PRELID3B: variants seen among roughly 807,000 people sequenced by gnomAD.
PRELID3B encodes the protein PRELI domain containing protein 3B.
PRELID3B carries 15 observed loss-of-function variants against 24.0 expected under a neutral mutation model. That is an observed-to-expected ratio of 0.63 (90% confidence interval 0.42 to 0.96). PRELID3B has a LOEUF of 0.96. Ranked by LOEUF, PRELID3B falls within the 40% of genes least tolerant of loss-of-function variation. The pLI, the probability that PRELID3B is intolerant of heterozygous loss-of-function variation, is 0.00. For missense variants in PRELID3B, 189 were observed against 236.0 expected (o/e 0.80, Z 1.30); for synonymous variants, 62 against 76.0 (o/e 0.82, Z 0.96).
intron 1 of PRELID3B, among the ~76,000 whole-genome samples, chr20:59,039,350 GTAA>G (rs2092096142): frequency 1.3e-5 from 2 of 152,142 alleles, no homozygotes; most frequent in African/African-American, 4.8e-5. Context: ...TATTGAAGTG[GTAA>G]TAATATCACA....
At position 59,034,904 on chromosome 20, in the gene PRELID3B, A is replaced by AC; in HGVS notation, c.*102_*103insG. The AC allele has an allele frequency of 4.3e-6, 5 of 1,173,410 alleles. No homozygotes were observed. Among genetic ancestry groups the AC allele is most frequent in the Non-Finnish European group, 5.6e-6 (5 of 895,416 alleles). 72.7% of individuals were successfully genotyped at this position (1,173,410 alleles called of 1,614,324 possible). On this transcript the variant is annotated 3_prime_UTR_variant, in exon 6 of 6. Coordinates refer to ENST00000355937, the MANE Select transcript of PRELID3B (RefSeq NM_016045.3). ...CACCAACTTATCAAAAAAAAAAAAA[A>AC]AAAAACTACCCAAAATATAGTTGTA...
At chr20:59,039,905 C>T (rs772376548) in intron 1 of PRELID3B, among the ~76,000 whole-genome samples, 2 of 152,142 alleles carry the variant, frequency 1.3e-5, no homozygotes, top group African/African-American at 2.4e-5. Flanking sequence ...GCAATCAATG[C>T]AGGTATATAA....
chr20:59,038,667 A>C (rs756457778), intron 1 of PRELID3B, 33 bp from the exon 2 acceptor site: 1 of 1,396,518 alleles, frequency 7.2e-7, no homozygotes, highest in South Asian at 1.4e-5. Context: ...AAAAAAAAAA[A>C]ATTCAGACAT....
chr20:59,037,100 T>G, intron 3 of PRELID3B, 91 bp downstream of exon 3: 1 of 940,302 alleles, frequency 1.1e-6, no homozygotes, highest in South Asian at 1.4e-5. Flanking sequence ...AACCACATCA[T>G]GAACACGCAC....
At position 59,035,048 on chromosome 20, in the gene PRELID3B, T is replaced by C. The variant is rs1196292602; in HGVS notation, c.544A>G (p.Ile182Val). 1.9e-6 allele frequency: 3 copies of C among 1,614,082 alleles called. No homozygotes were observed. Among genetic ancestry groups the C allele is most frequent in the South Asian group, 2.2e-5 (2 of 91,056 alleles). ...GCTGCTGCTGCCATTGGAGTCCTTA[T>C]GGTTCCTCTTGCTGAGGCTGTCAGT... ...EELTASARGT[I>V]RTPMAAAAFA... The change falls in exon 6 of 6, where the codon ATA becomes GTA. Residue 182 changes from isoleucine (I) to valine (V), a missense_variant. Transcript: ENST00000355937.
chr20:59,042,723 A>G lies in PRELID3B; in HGVS notation c.8T>C (p.Ile3Thr). 6.2e-7 allele frequency: 1 copy of G among 1,602,402 alleles called. No individual in the cohort carries two copies. Among genetic ancestry groups the G allele is most frequent in the Non-Finnish European group, 8.5e-7 (1 of 1,175,230 alleles). Reference protein sequence around the residue: MKIWTSEHVFDHP... With the variant: MKTWTSEHVFDHP... ...CTCAAAGACGTGCTCCGAAGTCCAG[A>G]TCTTCATGGTGCCGGCACCCTGAGA... is the stretch of plus-strand genomic sequence containing the variant. The change falls in exon 1 of 6, where the codon ATC (isoleucine) becomes ACC (threonine). Residue 3 changes from isoleucine to threonine, a missense_variant. Coordinates refer to ENST00000355937, the MANE Select transcript of PRELID3B (RefSeq NM_016045.3).
rs548613157 is a variant in PRELID3B at position 59,033,685 on chromosome 20, A to G, written c.*1322T>C. On this transcript the variant is annotated 3_prime_UTR_variant, in exon 6 of 6. Transcript: ENST00000355937. ...ACTGGTCTCTTGGATAGGAAACATG[A>G]CTAGAAGTTTATCACACTAAGCACT... 6.6e-6 allele frequency: 1 copy of G among 152,370 alleles called. No homozygotes were observed. The highest frequency in any genetic ancestry group is 1.9e-4 in the East Asian group (1 of 5,194). 9.4% of individuals were successfully genotyped at this position (152,370 alleles called of 1,614,324 possible). A position where few individuals can be genotyped will look rare whatever the true frequency, so the allele number is the denominator to read the frequency against.
At chr20:59,038,409 G>A (rs1411040376) in intron 2 of PRELID3B, 57 bp downstream of exon 2, 16 of 1,481,040 alleles carry the variant, frequency 1.1e-5, no homozygotes, top group South Asian at 3.8e-5. Flanking sequence ...AGTATAATGC[G>A]GTTTAGAAAA....
intron 3 of PRELID3B, 25 bp downstream of exon 3, chr20:59,037,166 G>C (rs778240070): frequency 5.8e-6 from 9 of 1,562,476 alleles, no homozygotes; most frequent in Non-Finnish European, 7.9e-6. Flanking sequence ...AGTTCGAAAT[G>C]AAACAAAAGG....
rs1371117789 is a variant in PRELID3B, at chr20:59,040,589, A to G, written c.33-1955T>C. 6.6e-6 allele frequency among the ~76,000 whole-genome samples: 1 copy of G among 152,254 alleles called. No individual in the cohort carries two copies. Among genetic ancestry groups the G allele is most frequent in the Non-Finnish European group, 1.5e-5 (1 of 68,040 alleles). On this transcript the variant is annotated intron_variant, in intron 1 of 5. Coordinates refer to ENST00000355937, the MANE Select transcript of PRELID3B (RefSeq NM_016045.3). The surrounding 1 kb of genome is among the most constrained non-coding windows in gnomAD (Gnocchi z 4.1). ...AGGCCTCAGAAGAAAAGTGTTGGAAAATCAAAGACAGATAAGATGTAGAAT... is the reference window on the plus strand; with the variant it reads ...AGGCCTCAGAAGAAAAGTGTTGGAAGATCAAAGACAGATAAGATGTAGAAT...
chr20:59,042,561 G>C, intron 1 of PRELID3B, 138 bp downstream of exon 1: 1 of 679,556 alleles, frequency 1.5e-6, no homozygotes, highest in South Asian at 1.8e-5. Context: ...CCGTGTCGCC[G>C]GGGCCCGCAG....
Position 59,036,774 on chromosome 20 carries a change from A to T in PRELID3B, c.292-14T>A. On this transcript the variant is annotated splice_polypyrimidine_tract_variant and intron_variant, in intron 3 of 5. Coordinates refer to ENST00000355937, the MANE Select transcript of PRELID3B (RefSeq NM_016045.3). ...TGTAAATGAAATCTACAGAATGAAGAAAAAAAAAAAAGATCAAATCATTTT... is the reference window on the plus strand; with the variant it reads ...TGTAAATGAAATCTACAGAATGAAGTAAAAAAAAAAAGATCAAATCATTTT... The T allele has an allele frequency of 1.3e-6, 1 of 764,450 alleles. No homozygotes were observed. The highest frequency in any genetic ancestry group is 2.7e-5 in the South Asian group (1 of 36,610). 47.4% of individuals were successfully genotyped at this position (764,450 alleles called of 1,614,324 possible). A position where few individuals can be genotyped will look rare whatever the true frequency, so the allele number is the denominator to read the frequency against.
chr20:59,037,752 C>T (rs2092084345), intron 2 of PRELID3B, among the ~76,000 whole-genome samples: 2 of 152,252 alleles, frequency 1.3e-5, no homozygotes, highest in Admixed American at 1.3e-4. Flanking sequence ...TCCACTGTCA[C>T]TCCCTGTGCT....
Position 59,038,709 on chromosome 20 carries a change from T to C in PRELID3B, c.33-75A>G. On this transcript the variant is annotated intron_variant, in intron 1 of 5. Coordinates refer to ENST00000355937, the MANE Select transcript of PRELID3B (RefSeq NM_016045.3). ...TTATGCATATGAGTTAAACAATTTTTATAATCTATCAAATCATTCATTACA... is the reference window on the plus strand; with the variant it reads ...TTATGCATATGAGTTAAACAATTTTCATAATCTATCAAATCATTCATTACA... The C allele has an allele frequency of 2.7e-6, 4 of 1,473,068 alleles. No individual in the cohort carries two copies. The South Asian group carries it at 5.8e-5, about 21-fold the overall frequency. 91.2% of individuals were successfully genotyped at this position (1,473,068 alleles called of 1,614,324 possible).
At chr20:59,036,393 A>T in intron 5 of PRELID3B, 78 bp downstream of exon 5, 2 of 1,083,110 alleles carry the variant, frequency 1.8e-6, no homozygotes, top group East Asian at 2.4e-5. Flanking sequence ...GCTTACAAGG[A>T]CACACATGCA....
Position 59,035,187 on chromosome 20 carries a change from A to C in PRELID3B, c.466-61T>G, listed in dbSNP as rs1040640238. 10 of 1,484,326 alleles carry C rather than the reference A, an allele frequency of 6.7e-6. No individual in the cohort carries two copies. In the East Asian group the frequency reaches 2.1e-4, roughly 31 times the overall value. 91.9% of individuals were successfully genotyped at this position (1,484,326 alleles called of 1,614,324 possible). On this transcript the variant is annotated intron_variant, in intron 5 of 5. Transcript: ENST00000355937. ...GGAGAGCAAAGGCATATATCGAACTAATGACACACCAGGAAGTAACAAGGG... is the reference window on the plus strand; with the variant it reads ...GGAGAGCAAAGGCATATATCGAACTCATGACACACCAGGAAGTAACAAGGG...
Position 59,042,758 on chromosome 20 carries a change from G to A in PRELID3B, c.-28C>T. 1 of 1,595,942 alleles carries A rather than the reference G, an allele frequency of 6.3e-7. No individual in the cohort carries two copies. Among genetic ancestry groups the A allele is most frequent in the Non-Finnish European group, 8.5e-7 (1 of 1,172,120 alleles). ...TGCCGGCACCCTGAGAGATGTCCGG[G>A]TAGCGCCAGGGGACAACGAGGCACA... On this transcript the variant is annotated 5_prime_UTR_variant, in exon 1 of 6. Coordinates refer to ENST00000355937, the MANE Select transcript of PRELID3B (RefSeq NM_016045.3).
chr20:59,034,912 ACCC>A lies in PRELID3B; in HGVS notation c.*92_*94del. On this transcript the variant is annotated 3_prime_UTR_variant, in exon 6 of 6. Transcript: ENST00000355937. Reference sequence around the variant, plus strand: ...TATCAAAAAAAAAAAAAAAAAAACTACCCAAAATATAGTTGTATTTTTAAAATA... The same window carrying A: ...TATCAAAAAAAAAAAAAAAAAAACTAAAAATATAGTTGTATTTTTAAAATA... 1.1e-5 allele frequency: 13 copies of A among 1,135,882 alleles called. No individual in the cohort carries two copies. The highest frequency in any genetic ancestry group is 5.2e-5 in the South Asian group (2 of 38,174). 70.4% of individuals were successfully genotyped at this position (1,135,882 alleles called of 1,614,324 possible).
At chr20:59,039,444 G>C (rs970543902) in intron 1 of PRELID3B, among the ~76,000 whole-genome samples, 2 of 152,032 alleles carry the variant, frequency 1.3e-5, no homozygotes, top group Admixed American at 6.5e-5. Flanking sequence ...TGCAACCTTT[G>C]TTCACTTCAC....
Sources: gnomAD v4.1 joint callset for allele counts (sites outside exome capture counted in the v4.1 genomes callset) on GRCh38, gnomAD v4.1.1 for gene constraint, Gnocchi (gnomAD v3.1) non-coding constraint, MANE v1.5 for transcripts, NCBI Gene and HGNC (gene_info 2026-07-23, HGNC 2026-07-21) for gene names.